Variants in ARHGAP15 observed in about 807,000 individuals in gnomAD.
ARHGAP15 encodes Rho GTPase activating protein 15, also known as rho GTPase-activating protein 15.
A neutral mutation model predicts 63.7 loss-of-function variants in ARHGAP15; 51 were observed. The observed-to-expected ratio is 0.80, with a 90% CI of 0.64 to 1.01. The LOEUF (loss-of-function observed/expected upper bound fraction) is 1.01, where lower values mean the gene tolerates loss of function less well. Among genes scored for constraint, ARHGAP15 ranks in the 50% least tolerant of loss-of-function variants. The pLI, the probability that ARHGAP15 is intolerant of heterozygous loss-of-function variation, is 0.00. For synonymous variants in ARHGAP15, 191 were observed against 193.8 expected (o/e 0.99, Z 0.12); for missense variants, 560 against 564.6 (o/e 0.99, Z 0.08).
At chr2:143,635,827 A>G (rs769842631) in intron 12 of ARHGAP15, among the ~76,000 whole-genome samples, 2 of 152,196 alleles carry the variant, frequency 1.3e-5, no homozygotes, top group Admixed American at 6.5e-5. Context: ...GAAGGATGAC[A>G]GCAGATATAT....
chr2:143,719,419 C>G (rs1278830562), intron 13 of ARHGAP15, among the ~76,000 whole-genome samples: 6 of 152,098 alleles, frequency 3.9e-5, no homozygotes, highest in Non-Finnish European at 7.4e-5. Context: ...GAATTTTTTT[C>G]CATCTGGACA....
chr2:143,674,570 A>C (rs1024647976), intron 12 of ARHGAP15, among the ~76,000 whole-genome samples: 2 of 152,158 alleles, frequency 1.3e-5, no homozygotes, highest in Non-Finnish European at 2.9e-5. Context: ...ACATTTATCA[A>C]AACTTACAGG....
intron 6 of ARHGAP15, among the ~76,000 whole-genome samples, chr2:143,385,638 T>C (rs760434473): frequency 3.3e-5 from 5 of 152,126 alleles, no homozygotes; most frequent in Non-Finnish European, 7.4e-5. Flanking sequence ...CATGGGACAC[T>C]CAGTGTAACC....
At chr2:143,145,557 C>T (rs1689547559) in intron 1 of ARHGAP15, among the ~76,000 whole-genome samples, 1 of 152,020 alleles carries the variant, frequency 6.6e-6, no homozygotes, top group African/African-American at 2.4e-5. Context: ...CAAATCTGAA[C>T]TTCTCAGTAT....
At chr2:143,762,433 G>A (rs1457787309) in intron 13 of ARHGAP15, among the ~76,000 whole-genome samples, 1 of 152,112 alleles carries the variant, frequency 6.6e-6, no homozygotes, top group Non-Finnish European at 1.5e-5. Flanking sequence ...GAATTTAAGG[G>A]CCTAATGAAA....
chr2:143,306,408 TCA>T (rs763597907), intron 6 of ARHGAP15, among the ~76,000 whole-genome samples: 1 of 152,096 alleles, frequency 6.6e-6, no homozygotes, highest in African/African-American at 2.4e-5. Flanking sequence ...ATTGGCTCTG[TCA>T]TTTACTAGCT....
At chr2:143,200,832 A>T (rs1186897961) in intron 2 of ARHGAP15, among the ~76,000 whole-genome samples, 3 of 152,136 alleles carry the variant, frequency 2.0e-5, no homozygotes, top group Non-Finnish European at 4.4e-5. Flanking sequence ...AGAAGACAAG[A>T]GACTTAATAG....
intron 8 of ARHGAP15, among the ~76,000 whole-genome samples, chr2:143,468,381 T>C (rs1223716577): frequency 1.3e-5 from 2 of 152,112 alleles, no homozygotes; most frequent in Non-Finnish European, 2.9e-5. Context: ...AAGCTGAAAC[T>C]GAAAGCTTCA....
intron 12 of ARHGAP15, among the ~76,000 whole-genome samples, chr2:143,661,091 G>A (rs546274560): frequency 6.6e-5 from 10 of 152,266 alleles, no homozygotes; most frequent in South Asian, 6.2e-4. Flanking sequence ...AACCAGCAAC[G>A]TTGCATCTCT....
At chr2:143,697,863 C>A (rs1683919816) in intron 12 of ARHGAP15, among the ~76,000 whole-genome samples, 1 of 152,128 alleles carries the variant, frequency 6.6e-6, no homozygotes, top group Admixed American at 6.6e-5. Context: ...CAGTCTCTAA[C>A]TAAATTCGGA....
At chr2:143,292,150 A>C (rs1423260423) in intron 6 of ARHGAP15, among the ~76,000 whole-genome samples, 1 of 152,116 alleles carries the variant, frequency 6.6e-6, no homozygotes, top group Non-Finnish European at 1.5e-5. Context: ...TTTAAAATAC[A>C]GTAGCTTGAG....
chr2:143,145,748 G>T (rs535579101), intron 1 of ARHGAP15, among the ~76,000 whole-genome samples: 1 of 152,058 alleles, frequency 6.6e-6, no homozygotes, highest in African/African-American at 2.4e-5. Flanking sequence ...GGCTAGGAGA[G>T]CTCTCCAGAA....
At chr2:143,577,888 G>A (rs1696735031) in intron 11 of ARHGAP15, among the ~76,000 whole-genome samples, 2 of 152,124 alleles carry the variant, frequency 1.3e-5, no homozygotes, top group Admixed American at 1.3e-4. Context: ...GAAATAAGAT[G>A]CTCTCTACAA....
chr2:143,340,518 A>AT lies in ARHGAP15; in HGVS notation c.474+89924dup, dbSNP rs1189994184. Among the ~76,000 whole-genome samples, 3 of 101,898 alleles carry AT rather than the reference A, an allele frequency of 2.9e-5. No individual in the cohort carries two copies. The East Asian group carries it at 7.9e-4, about 27-fold the overall frequency. The allele number at this position is 101,898 out of a possible 152,430, so 66.8% of individuals were successfully genotyped here. On this transcript the variant is annotated intron_variant, in intron 6 of 13. Coordinates refer to ENST00000295095, the MANE Select transcript of ARHGAP15 (RefSeq NM_018460.4). ...TTTTATCCTAAATTTTTAATGGCAG[A>AT]TTTTTTCTCTTTTTTTTTTTAATAA...
chr2:143,669,242 C>A lies in ARHGAP15; in HGVS notation c.1139-34177C>A, dbSNP rs1391518219. Among the ~76,000 whole-genome samples, 9 of 152,264 alleles carry A rather than the reference C, an allele frequency of 5.9e-5. 1 individual carries two copies. Among genetic ancestry groups the A allele is most frequent in the Middle Eastern group, 6.8e-3 (2 of 294 alleles). On this transcript the variant is annotated intron_variant, in intron 12 of 13. Coordinates refer to ENST00000295095, the MANE Select transcript of ARHGAP15 (RefSeq NM_018460.4). Reference sequence around the variant, plus strand: ...AACTTATTTACCTTATTCAGCTGCCCAGTAGAAAGGCTTGTGTTCAAACTT... The same window carrying A: ...AACTTATTTACCTTATTCAGCTGCCAAGTAGAAAGGCTTGTGTTCAAACTT...
chr2:143,542,066 C>T (rs1695089744), intron 10 of ARHGAP15, among the ~76,000 whole-genome samples: 1 of 152,198 alleles, frequency 6.6e-6, no homozygotes, highest in Admixed American at 6.5e-5. Flanking sequence ...CTACTCAAGC[C>T]TGAGCAATTG....
At chr2:143,384,353 C>T (rs1395011748) in intron 6 of ARHGAP15, among the ~76,000 whole-genome samples, 1 of 152,026 alleles carries the variant, frequency 6.6e-6, no homozygotes, top group Admixed American at 6.6e-5. Flanking sequence ...AAATTAAATA[C>T]GTTAGAAACG....
intron 11 of ARHGAP15, among the ~76,000 whole-genome samples, chr2:143,580,083 A>G (rs1374133992): frequency 6.6e-6 from 1 of 151,186 alleles, no homozygotes; most frequent in Non-Finnish European, 1.5e-5. Flanking sequence ...TGATGTGAAC[A>G]TAAGCCCAAC....
At chr2:143,306,278 G>C (rs1290251394) in intron 6 of ARHGAP15, among the ~76,000 whole-genome samples, 1 of 152,066 alleles carries the variant, frequency 6.6e-6, no homozygotes, top group Non-Finnish European at 1.5e-5. Flanking sequence ...AGAAAACAGT[G>C]GTTACTACAG....
Sources: allele counts gnomAD v4.1 joint callset (sites outside exome capture counted in the v4.1 genomes callset), GRCh38; gene constraint gnomAD v4.1.1; transcripts MANE v1.5; gene names NCBI Gene and HGNC (gene_info 2026-07-23, HGNC 2026-07-21).